The following ARPC4 variants were observed in gnomAD, a reference collection of about 807,000 sequenced individuals.
The protein encoded by ARPC4 is actin related protein 2/3 complex subunit 4, also known as actin-related protein 2/3 complex subunit 4.
Under a neutral mutation model 22.8 loss-of-function variants are expected in ARPC4, and 3 were observed. The observed-to-expected ratio is 0.13, with a 90% confidence interval of 0.06 to 0.34. The LOEUF is 0.34. ARPC4 is among the 10% of genes least tolerant of loss of function. The pLI, the probability that ARPC4 is intolerant of heterozygous loss-of-function variation, is 1.00. For synonymous variants in ARPC4, 80 were observed against 72.5 expected (o/e 1.10, Z -0.52); for missense variants, 98 against 211.0 (o/e 0.46, Z 3.32).
At position 9,793,150 on chromosome 3, in the gene ARPC4, G is replaced by T. The variant is rs910214073; in HGVS notation, c.3+26G>T. On this transcript the variant is annotated intron_variant, in intron 1 of 5. Coordinates refer to ENST00000397261, the MANE Select transcript of ARPC4 (RefSeq NM_005718.5). ...GTGAGAGAGCCGGGCCCCCGGCCAG[G>T]GACCCCCGGCTGTTCGGCCTCAGGG... 2.6e-6 allele frequency: 4 copies of T among 1,538,856 alleles called. No individual in the cohort carries two copies. The South Asian group carries it at 4.8e-5, about 18-fold the overall frequency.
At chr3:9,803,413 G>A (rs1034774318) in intron 4 of ARPC4, 2 of 436,152 alleles carry the variant, frequency 4.6e-6, no homozygotes, top group Non-Finnish European at 9.2e-6. Flanking sequence ...AACCTCTGGG[G>A]CCACCCGGAA....
intron 1 of ARPC4, 105 bp from the exon 2 acceptor site, chr3:9,797,554 T>C (rs749951305): frequency 2.9e-5 from 38 of 1,290,922 alleles, no homozygotes; most frequent in African/African-American, 1.0e-4. Context: ...CTTAAGAGCC[T>C]TGCACCCTCA....
chr3:9,795,799 C>T (rs930928185), intron 1 of ARPC4, among the ~76,000 whole-genome samples: 1 of 152,162 alleles, frequency 6.6e-6, no homozygotes, highest in Non-Finnish European at 1.5e-5. Context: ...AAATCACTTA[C>T]AAAGGCATGA....
At chr3:9,797,166 G>A (rs928099349) in intron 1 of ARPC4, among the ~76,000 whole-genome samples, 4 of 152,164 alleles carry the variant, frequency 2.6e-5, no homozygotes, top group African/African-American at 4.8e-5. Flanking sequence ...AGCTCAGTGC[G>A]TGGCAAACAG....
intron 4 of ARPC4, among the ~76,000 whole-genome samples, chr3:9,802,112 G>A (rs1001921940): frequency 2.0e-5 from 3 of 151,424 alleles, no homozygotes; most frequent in Middle Eastern, 3.4e-3. Flanking sequence ...GGTGGTGGGC[G>A]CCTGTAATCC....
In ARPC4 at chr3:9,801,701, G is replaced by A; in HGVS notation, c.275G>A (p.Arg92His). 1.2e-6 allele frequency: 2 copies of A among 1,609,908 alleles called. No homozygotes were observed. Among genetic ancestry groups the A allele is most frequent in the East Asian group, 4.5e-5 (2 of 44,856 alleles). The change falls in exon 4 of 6, where the codon CGC (arginine) becomes CAC (histidine). Residue 92 changes from arginine (R) to histidine (H), a missense_variant. Physicochemically the swap from Arg to His is conservative, Grantham distance 29. Transcript: ENST00000397261. ...AAGATTTTGTGCCACAAGTTCATGCGCTTCATGATGATGCGAGCAGAGAAC... is the reference window on the plus strand; with the variant it reads ...AAGATTTTGTGCCACAAGTTCATGCACTTCATGATGATGCGAGCAGAGAAC... Reference protein sequence around the residue: ...IEKILCHKFMRFMMMRAENFF... With the variant: ...IEKILCHKFMHFMMMRAENFF...
chr3:9,792,845 G>A, upstream of ARPC4: 1 of 1,364,204 alleles, frequency 7.3e-7, no homozygotes, highest in East Asian at 3.0e-5. Context: ...TGGCAAAGGT[G>A]ACAAGAAGGC....
At chr3:9,800,773 T>C (rs145196837) in intron 3 of ARPC4, among the ~76,000 whole-genome samples, 1 of 152,248 alleles carries the variant, frequency 6.6e-6, no homozygotes, top group East Asian at 1.9e-4. Flanking sequence ...GAAGCACTGT[T>C]ATTAAATGCA....
In ARPC4 at chr3:9,806,531, T is replaced by A. The variant is rs2079109627; in HGVS notation, c.*316T>A. The A allele has an allele frequency of 2.2e-6, 1 of 450,446 alleles. No homozygotes were observed. Among genetic ancestry groups the A allele is most frequent in the Non-Finnish European group, 4.0e-6 (1 of 250,688 alleles). 27.9% of individuals were successfully genotyped at this position (450,446 alleles called of 1,614,324 possible). A position where few individuals can be genotyped will look rare whatever the true frequency, so the allele number is the denominator to read the frequency against. ...ACCTTTTTGTCTTTTTTTTTTTTTT[T>A]TTTTTTAAACCTCCACCTCCAGTGG... is the stretch of plus-strand genomic sequence containing the variant. On this transcript the variant is annotated 3_prime_UTR_variant, in exon 6 of 6. Coordinates refer to ENST00000397261, the MANE Select transcript of ARPC4 (RefSeq NM_005718.5).
At chr3:9,797,074 C>A (rs980395271) in intron 1 of ARPC4, among the ~76,000 whole-genome samples, 1 of 151,648 alleles carries the variant, frequency 6.6e-6, no homozygotes, top group Admixed American at 6.6e-5. Flanking sequence ...ATCTTTATAT[C>A]ATAGTTATTT....
chr3:9,800,207 C>G lies in ARPC4; in HGVS notation c.145C>G (p.Gln49Glu), dbSNP rs775314716. 1.2e-6 allele frequency: 2 copies of G among 1,614,116 alleles called. No individual in the cohort carries two copies. The highest frequency in any genetic ancestry group is 1.7e-6 in the Non-Finnish European group (2 of 1,180,020). The change falls in exon 3 of 6, where the codon CAA becomes GAA. Residue 49 changes from glutamine to glutamate, a missense_variant. Transcript: ENST00000397261. ...EVRSSKELLL[Q>E]PVTISRNEKE... ...CAGGAGTAGCAAAGAGCTCCTGTTA[C>G]AACCTGTGACCATCAGCAGGAATGA...
Position 9,804,067 on chromosome 3 carries a change from G to A in ARPC4, c.501+54G>A. 1.9e-6 allele frequency: 3 copies of A among 1,593,228 alleles called. No individual in the cohort carries two copies. In the South Asian group the frequency reaches 3.4e-5, roughly 18 times the overall value. ...AGAGGCCAGAGGATCTGGGGGTCAT[G>A]TTGAGAACTTAGCATCTGGTGGGAA... On this transcript the variant is annotated intron_variant, in intron 5 of 5. Coordinates refer to ENST00000397261, the MANE Select transcript of ARPC4 (RefSeq NM_005718.5).
At position 9,800,251 on chromosome 3, in the gene ARPC4, T is replaced by C; in HGVS notation, c.189T>C (p.Ile63=). The C allele has an allele frequency of 1.9e-6, 3 of 1,614,128 alleles. No individual in the cohort carries two copies. Among genetic ancestry groups the C allele is most frequent in the African/African-American group, 1.3e-5 (1 of 75,012 alleles). Residue 63 remains isoleucine, a synonymous_variant, in exon 3 of 6, where the codon ATT becomes ATC. Coordinates refer to ENST00000397261, the MANE Select transcript of ARPC4 (RefSeq NM_005718.5). ...ISRNEKEKVL[I]EGSINSVRVS... ...GGAATGAGAAGGAAAAGGTTCTGAT[T>C]GAGGGCTCCATCAACTCTGTCCGGG... is the stretch of plus-strand genomic sequence containing the variant.
intron 3 of ARPC4, among the ~76,000 whole-genome samples, chr3:9,800,755 A>G (rs2078990923): frequency 6.6e-6 from 1 of 152,250 alleles, no homozygotes; most frequent in East Asian, 1.9e-4. Context: ...TTTCAACAGG[A>G]TGAAAACGAA....
chr3:9,797,610 T>C, intron 1 of ARPC4, 49 bp from the exon 2 acceptor site: 1 of 1,588,964 alleles, frequency 6.3e-7, no homozygotes, highest in Non-Finnish European at 8.6e-7. Context: ...TCGGTGGGTT[T>C]GGCGTGACAG....
chr3:9,800,242 G>A lies in ARPC4; in HGVS notation c.180G>A (p.Lys60=), dbSNP rs546726042. The A allele has an allele frequency of 6.2e-7, 1 of 1,614,104 alleles. No homozygotes were observed. The highest frequency in any genetic ancestry group is 2.2e-5 in the East Asian group (1 of 44,878). The change falls in exon 3 of 6, where the codon AAG becomes AAA. Residue 60 remains lysine (K), a synonymous_variant. Coordinates refer to ENST00000397261, the MANE Select transcript of ARPC4 (RefSeq NM_005718.5). ...CCATCAGCAGGAATGAGAAGGAAAA[G>A]GTTCTGATTGAGGGCTCCATCAACT... ...PVTISRNEKE[K]VLIEGSINSV...
chr3:9,797,405 A>C (rs1003067095), intron 1 of ARPC4, among the ~76,000 whole-genome samples: 1 of 152,198 alleles, frequency 6.6e-6, no homozygotes, highest in African/African-American at 2.4e-5. Flanking sequence ...GTCTGACCCC[A>C]GGTTAAAAAA....
At chr3:9,805,960 G>T (rs1044151197) in intron 5 of ARPC4, among the ~76,000 whole-genome samples, 1 of 152,240 alleles carries the variant, frequency 6.6e-6, no homozygotes, top group Admixed American at 6.5e-5. Flanking sequence ...GGGCACAAGG[G>T]AGCTGTGGAG....
At position 9,793,101 on chromosome 3, in the gene ARPC4, C is replaced by T. The variant is rs1208668838; in HGVS notation, c.-21C>T. 6.5e-7 allele frequency: 1 copy of T among 1,544,684 alleles called. No homozygotes were observed. The highest frequency in any genetic ancestry group is 2.0e-5 in the Admixed American group (1 of 50,414). On this transcript the variant is annotated 5_prime_UTR_variant, in exon 1 of 6. Transcript: ENST00000397261. ...CTGGCCACTTCCGTACTTCCGCTTT[C>T]CGGCCCAGCCAGCGCCCGCGATGGT...
Sources: allele counts gnomAD v4.1 joint callset (sites outside exome capture counted in the v4.1 genomes callset), GRCh38; gene constraint gnomAD v4.1.1; transcripts MANE v1.5; gene names NCBI Gene and HGNC (gene_info 2026-07-23, HGNC 2026-07-21).